Variants in NUGGC observed in about 807,000 individuals in gnomAD.
NUGGC encodes nuclear GTPase SLIP-GC.
Under a neutral mutation model 92.6 loss-of-function variants are expected in NUGGC, and 58 were observed. The ratio of observed to expected loss-of-function variants is 0.63; its 90% CI spans 0.51 to 0.78. The LOEUF is 0.78. NUGGC is among the 30% of genes least tolerant of loss of function. The pLI is 0.00. For synonymous variants in NUGGC, 376 were observed against 366.4 expected, an observed-to-expected ratio of 1.03 and a Z score of -0.30; for missense variants, 925 against 964.6, an observed-to-expected ratio of 0.96 and a Z score of 0.54.
intron 10 of NUGGC, among the ~76,000 whole-genome samples, chr8:28,049,959 C>T (rs904289470): frequency 1.3e-5 from 2 of 152,024 alleles, no homozygotes; most frequent in Non-Finnish European, 2.9e-5. Context: ...TGGAGGCACA[C>T]GCCTGTAGTC....
chr8:28,041,258 A>C, intron 12 of NUGGC, 43 bp from the exon 13 acceptor site: 1 of 1,565,138 alleles, frequency 6.4e-7, no homozygotes, highest in Non-Finnish European at 8.7e-7. Context: ...CCCCCTCCCT[A>C]AGGGCACCTT....
rs1186915542 is a variant in NUGGC at position 28,064,586 on chromosome 8, A to G, written c.857T>C (p.Val286Ala). Residue 286 changes from valine (V) to alanine (A), a missense_variant, in exon 7 of 19, where the codon GTC (valine) becomes GCC (alanine). Val to Ala is a moderately conservative substitution (Grantham distance 64). Transcript: ENST00000413272. ...TGTGCCTGGGATGTCCACCAGCACG[A>G]CCCCTTCTGGGATCAGGTCGGATTT... The part of the protein sequence containing the change: ...LPKSDLIPEG[V>A]VLVDIPGTGD... 2.7e-5 allele frequency: 43 copies of G among 1,613,756 alleles called. No individual in the cohort carries two copies. Among genetic ancestry groups the G allele is most frequent in the Non-Finnish European group, 3.6e-5 (42 of 1,179,862 alleles).
chr8:28,026,979 AG>A lies in NUGGC; in HGVS notation c.2227del (p.Leu743SerfsTer22). On this transcript the variant is annotated frameshift_variant, in exon 18 of 19. Transcript: ENST00000413272. LOFTEE classifies it high-confidence loss of function. Reference protein sequence around the residue: ...LALASSQGDGLYKELADVGSE... With the variant: ...LALASSQGDGXYKELADVGSE... ...GTATTTACCTGCAAGCTCCTTGTAG[AG>A]GCCATCCCCCTGGGACGAAGCAAGG... is the stretch of plus-strand genomic sequence containing the variant. 6.2e-7 allele frequency: 1 copy of A among 1,613,094 alleles called. No individual in the cohort carries two copies. Among genetic ancestry groups the A allele is most frequent in the East Asian group, 2.2e-5 (1 of 44,882 alleles).
intron 10 of NUGGC, among the ~76,000 whole-genome samples, chr8:28,052,851 T>A (rs1010811720): frequency 1.3e-5 from 2 of 152,152 alleles, no homozygotes; most frequent in African/African-American, 4.8e-5. Context: ...GATTCAGCAT[T>A]GAAAGGTCAG....
intron 4 of NUGGC, 46 bp downstream of exon 4, chr8:28,069,498 G>C (rs1810531563): frequency 3.2e-6 from 3 of 948,230 alleles, no homozygotes; most frequent in Non-Finnish European, 5.1e-6. Context: ...ATCGCCTAAG[G>C]AAAGACACTG....
chr8:28,064,387 A>C (rs1810384244), intron 7 of NUGGC, 135 bp downstream of exon 7: 1 of 785,178 alleles, frequency 1.3e-6, no homozygotes. Flanking sequence ...CTTGAGACTT[A>C]GAACATAGAA....
intron 1 of NUGGC, among the ~76,000 whole-genome samples, chr8:28,081,739 G>A (rs778686114): frequency 3.9e-5 from 6 of 152,060 alleles, no homozygotes; most frequent in East Asian, 1.9e-4. Flanking sequence ...TTAGCCAGCC[G>A]TTGTGGCACA....
chr8:28,066,462 TA>T (rs1486002355), intron 6 of NUGGC, among the ~76,000 whole-genome samples: 2 of 152,228 alleles, frequency 1.3e-5, no homozygotes, highest in Admixed American at 1.3e-4. Context: ...ATTAATTATG[TA>T]AGTATCATTA....
chr8:28,060,364 T>C, intron 8 of NUGGC, 62 bp downstream of exon 8: 2 of 1,487,104 alleles, frequency 1.3e-6, no homozygotes, highest in Non-Finnish European at 1.9e-6. Flanking sequence ...GCTACTGTAG[T>C]CAGGACCCAC....
At chr8:28,061,483 A>T (rs1285763181) in intron 7 of NUGGC, among the ~76,000 whole-genome samples, 1 of 152,212 alleles carries the variant, frequency 6.6e-6, no homozygotes, top group Non-Finnish European at 1.5e-5. Flanking sequence ...ATACAAAGGG[A>T]TGACAAGTTT....
At chr8:28,066,798 C>G (rs1810449616) in intron 6 of NUGGC, among the ~76,000 whole-genome samples, 1 of 152,246 alleles carries the variant, frequency 6.6e-6, no homozygotes, top group Non-Finnish European at 1.5e-5. Context: ...TCTTTTATGC[C>G]AGCAGAATCC....
At chr8:28,023,501 C>A (rs370255937) in intron 18 of NUGGC, 39 bp from the exon 19 acceptor site, 49 of 1,584,618 alleles carry the variant, frequency 3.1e-5, no homozygotes, top group Non-Finnish European at 4.0e-5. Flanking sequence ...GACTTGGTGT[C>A]CGTTGCAGAA....
At chr8:28,068,675 A>G (rs1242867037) in intron 4 of NUGGC, among the ~76,000 whole-genome samples, 4 of 152,192 alleles carry the variant, frequency 2.6e-5, no homozygotes, top group South Asian at 2.1e-4. Context: ...CAATCCCTGT[A>G]ATGTCTATAT....
chr8:28,045,081 C>G (rs1290702435), intron 12 of NUGGC, among the ~76,000 whole-genome samples: 1 of 152,238 alleles, frequency 6.6e-6, no homozygotes, highest in Non-Finnish European at 1.5e-5. Flanking sequence ...CTTCCATCCT[C>G]TCACATTATT....
chr8:28,080,700 G>C (rs1215786048), intron 1 of NUGGC, among the ~76,000 whole-genome samples: 1 of 152,084 alleles, frequency 6.6e-6, no homozygotes, highest in Non-Finnish European at 1.5e-5. Context: ...GTAAGATCAA[G>C]AATAGCAGAA....
At chr8:28,061,950 T>A (rs187259824) in intron 7 of NUGGC, among the ~76,000 whole-genome samples, 46 of 152,318 alleles carry the variant, frequency 3.0e-4, no homozygotes, top group Non-Finnish European at 5.3e-4. Flanking sequence ...AGCTTGCTTT[T>A]AGCATGGGAG....
chr8:28,025,383 C>A (rs1203346688), intron 18 of NUGGC, among the ~76,000 whole-genome samples: 1 of 152,172 alleles, frequency 6.6e-6, no homozygotes, highest in African/African-American at 2.4e-5. Context: ...TGACATCAAA[C>A]TGAGGGGAGC....
chr8:28,025,568 G>A, intron 18 of NUGGC, among the ~76,000 whole-genome samples: 1 of 152,128 alleles, frequency 6.6e-6, no homozygotes, highest in East Asian at 1.9e-4. Flanking sequence ...TCCTATAAAG[G>A]CCTGGACAGA....
intron 11 of NUGGC, among the ~76,000 whole-genome samples, chr8:28,046,759 C>T (rs563462114): frequency 6.6e-6 from 1 of 151,488 alleles, no homozygotes; most frequent in African/African-American, 2.4e-5. Context: ...CGGCTCACTG[C>T]AACCTCCACC....
Sources: allele counts gnomAD v4.1 joint callset (sites outside exome capture counted in the v4.1 genomes callset), GRCh38; gene constraint gnomAD v4.1.1; transcripts MANE v1.5; gene names NCBI Gene and HGNC (gene_info 2026-07-23, HGNC 2026-07-21).